Variants in CHCHD3 observed in about 807,000 individuals in gnomAD.
CHCHD3 encodes coiled-coil-helix-coiled-coil-helix domain containing 3.
A neutral mutation model predicts 38.2 loss-of-function variants in CHCHD3; 20 were observed. The observed-to-expected ratio is 0.52, with a 90% CI of 0.37 to 0.76. The LOEUF is 0.76. Ranked by LOEUF, CHCHD3 falls within the 30% of genes least tolerant of loss-of-function variation. The probability of loss-of-function intolerance (pLI) is 0.00; values close to 1 mark genes in which losing one functional copy is unlikely to be tolerated. For missense variants in CHCHD3, 245 were observed against 279.2 expected (o/e 0.88, Z 0.87); for synonymous variants, 82 against 100.0 (o/e 0.82, Z 1.07).
intron 1 of CHCHD3, among the ~76,000 whole-genome samples, chr7:133,073,690 T>C (rs186511279): frequency 6.6e-6 from 1 of 152,274 alleles, no homozygotes; most frequent in East Asian, 1.9e-4. Context: ...TCTCATCCCA[T>C]TTCTCCTGCC....
chr7:133,055,872 G>A (rs1814316015), intron 2 of CHCHD3, among the ~76,000 whole-genome samples: 1 of 152,050 alleles, frequency 6.6e-6, no homozygotes, highest in South Asian at 2.1e-4. Flanking sequence ...AGCCAGGGCA[G>A]TGGCTCACAC....
Position 133,050,267 on chromosome 7 carries a change from C to T in CHCHD3, c.169+19875G>A, listed in dbSNP as rs540272217. Reference sequence around the variant, plus strand: ...CTGAGGCACAAGAATTGCTTGAACCCGAAAGGTGGAGGTTGCAGTGAGCCA... The same window carrying T: ...CTGAGGCACAAGAATTGCTTGAACCTGAAAGGTGGAGGTTGCAGTGAGCCA... On this transcript the variant is annotated intron_variant, in intron 2 of 7. Coordinates refer to ENST00000262570, the MANE Select transcript of CHCHD3 (RefSeq NM_017812.4). 1.0e-4 allele frequency among the ~76,000 whole-genome samples: 15 copies of T among 144,584 alleles called. No individual in the cohort carries two copies. The South Asian group carries it at 1.7e-3, about 17-fold the overall frequency. 94.9% of individuals were successfully genotyped at this position (144,584 alleles called of 152,430 possible).
intron 4 of CHCHD3, among the ~76,000 whole-genome samples, chr7:132,903,315 C>A (rs552632015): frequency 1.6e-4 from 24 of 150,974 alleles, no homozygotes; most frequent in African/African-American, 4.8e-4. Context: ...TATTTGTATT[C>A]TTTTTAGTTG....
intron 5 of CHCHD3, among the ~76,000 whole-genome samples, chr7:132,869,909 T>C (rs1403003510): frequency 2.0e-5 from 3 of 151,928 alleles, no homozygotes; most frequent in Admixed American, 2.0e-4. Flanking sequence ...TCAAATAAAA[T>C]GATATGCATG....
intron 2 of CHCHD3, among the ~76,000 whole-genome samples, chr7:133,054,302 T>C (rs1210641234): frequency 6.6e-6 from 1 of 152,234 alleles, no homozygotes; most frequent in Admixed American, 6.5e-5. Context: ...AATAACTTAG[T>C]GCAGTATTTC....
chr7:132,967,529 G>A (rs1025363672), intron 4 of CHCHD3, among the ~76,000 whole-genome samples: 2 of 151,940 alleles, frequency 1.3e-5, no homozygotes, highest in African/African-American at 4.8e-5. Flanking sequence ...TGTGGCTGAC[G>A]CCTGTAATCC....
chr7:133,081,916 G>A lies in CHCHD3; in HGVS notation c.22C>T (p.Arg8Cys), dbSNP rs1433287036. 6.4e-7 allele frequency: 1 copy of A among 1,556,528 alleles called. No homozygotes were observed. Among genetic ancestry groups the A allele is most frequent in the Non-Finnish European group, 8.7e-7 (1 of 1,150,118 alleles). Residue 8 changes from arginine (R) to cysteine (C), a missense_variant, in exon 1 of 8, where the codon CGC becomes TGC. Coordinates refer to ENST00000262570, the MANE Select transcript of CHCHD3 (RefSeq NM_017812.4). MGGTTST[R>C]RVTFEADENE... ...TCGTCCGCCTCGAAGGTGACCCGGC[G>A]GGTGCTGGTGGTCCCACCCATGATT...
rs1297595788 is a variant in CHCHD3 at position 132,844,616 on chromosome 7, CTT to C, written c.454-6149_454-6148del. On this transcript the variant is annotated intron_variant, in intron 5 of 7. Transcript: ENST00000262570. ...AATTTCTTTCTTTAAAACAGAAAGT[CTT>C]ATTGTTTGATATAAGCATAAAACAT... Among the ~76,000 whole-genome samples, 4 of 152,138 alleles carry C rather than the reference CTT, an allele frequency of 2.6e-5. No individual in the cohort carries two copies. The East Asian group carries it at 7.7e-4, about 29-fold the overall frequency.
intron 1 of CHCHD3, among the ~76,000 whole-genome samples, chr7:133,078,328 A>G (rs1815063419): frequency 6.6e-6 from 1 of 152,174 alleles, no homozygotes; most frequent in Admixed American, 6.5e-5. Context: ...ATAAATATTC[A>G]GCATAGTTAC....
chr7:132,972,871 C>T (rs1026603562), intron 4 of CHCHD3: 9 of 985,238 alleles, frequency 9.1e-6, no homozygotes, highest in Admixed American at 1.2e-4. Flanking sequence ...TCAGAATGTA[C>T]GAGGCCAGTT....
chr7:132,958,387 A>C (rs554786754), intron 4 of CHCHD3, among the ~76,000 whole-genome samples: 2 of 152,362 alleles, frequency 1.3e-5, no homozygotes, highest in East Asian at 3.9e-4. Flanking sequence ...TATAAGAAAA[A>C]AATTCTCACA....
At chr7:132,821,114 G>A (rs1162916576) in intron 6 of CHCHD3, among the ~76,000 whole-genome samples, 2 of 152,154 alleles carry the variant, frequency 1.3e-5, no homozygotes, top group Non-Finnish European at 2.9e-5. Context: ...TTGCGTTCAA[G>A]AATTATCCTC....
At chr7:132,999,881 A>AT (rs1363455408) in intron 3 of CHCHD3, among the ~76,000 whole-genome samples, 1 of 152,164 alleles carries the variant, frequency 6.6e-6, no homozygotes, top group African/African-American at 2.4e-5. Context: ...TTAAGCATTG[A>AT]TTAAAGTATT....
At chr7:132,961,175 G>A (rs1371115152) in intron 4 of CHCHD3, among the ~76,000 whole-genome samples, 1 of 152,046 alleles carries the variant, frequency 6.6e-6, no homozygotes, top group African/African-American at 2.4e-5. Context: ...CCAGCTGTTT[G>A]GGAGGCTGAA....
chr7:132,974,124 G>A (rs1479005244), intron 4 of CHCHD3: 1 of 886,288 alleles, frequency 1.1e-6, no homozygotes, highest in Non-Finnish European at 1.5e-6. Context: ...AAAATGTTCA[G>A]TGACATAGGA....
intron 4 of CHCHD3, among the ~76,000 whole-genome samples, chr7:132,930,243 T>C (rs1810483879): frequency 6.7e-6 from 1 of 149,788 alleles, no homozygotes; most frequent in Non-Finnish European, 1.5e-5. Flanking sequence ...CTCCGCTCAC[T>C]GCAACCTCCA....
intron 4 of CHCHD3, among the ~76,000 whole-genome samples, chr7:132,904,026 G>A (rs548761727): frequency 1.3e-5 from 2 of 152,246 alleles, no homozygotes; most frequent in South Asian, 4.2e-4. Context: ...TTGGGAGGCT[G>A]AGGTGGGGGG....
intron 4 of CHCHD3, among the ~76,000 whole-genome samples, chr7:132,947,616 ATATCTC>A (rs1810930002): frequency 6.6e-6 from 1 of 152,046 alleles, no homozygotes; most frequent in Admixed American, 6.6e-5. Context: ...TAACTGCTGA[ATATCTC>A]TATTTTTAAA....
At chr7:132,879,992 G>A (rs1231404765) in intron 5 of CHCHD3, among the ~76,000 whole-genome samples, 2 of 152,096 alleles carry the variant, frequency 1.3e-5, no homozygotes, top group African/African-American at 4.8e-5. Flanking sequence ...CCCAGGAAAT[G>A]TCAAATTCTG....
Sources: allele counts gnomAD v4.1 joint callset (sites outside exome capture counted in the v4.1 genomes callset), GRCh38; gene constraint gnomAD v4.1.1; transcripts MANE v1.5; gene names NCBI Gene and HGNC (gene_info 2026-07-23, HGNC 2026-07-21).